Variants in COL2A1 observed in about 807,000 individuals in gnomAD.
The protein encoded by COL2A1 is collagen type II alpha 1 chain.
Under a neutral mutation model 204.5 loss-of-function variants are expected in COL2A1, and 28 were observed. The ratio of observed to expected loss-of-function variants is 0.14; its 90% CI spans 0.10 to 0.19. The LOEUF is 0.19. COL2A1 is among the 10% of genes least tolerant of loss of function. The probability of loss-of-function intolerance (pLI) is 1.00; values close to 1 mark genes in which losing one functional copy is unlikely to be tolerated. For synonymous variants in COL2A1, 708 were observed against 718.7 expected (o/e 0.99, Z 0.24); for missense variants, 1,388 against 2,027.5 (o/e 0.68, Z 6.06).
At chr12:47,999,280 C>G (rs1268691612) in intron 2 of COL2A1, among the ~76,000 whole-genome samples, 1 of 152,248 alleles carries the variant, frequency 6.6e-6, no homozygotes, top group African/African-American at 2.4e-5. Flanking sequence ...TAACCACCCA[C>G]TACAGTGCAG....
At position 47,974,664 on chromosome 12, in the gene COL2A1, C is replaced by T. The variant is rs750833827; in HGVS notation, c.4074+11G>A. On this transcript the variant is annotated intron_variant, in intron 52 of 53. Coordinates refer to ENST00000380518, the MANE Select transcript of COL2A1 (RefSeq NM_001844.5). ...ATCTCTGCTCATCATCTAGGGCACC[C>T]AGGTACTCACATGGAAGCCACCATT... 5 of 1,613,872 alleles carry T rather than the reference C, an allele frequency of 3.1e-6. No homozygotes were observed. Among genetic ancestry groups the T allele is most frequent in the Non-Finnish European group, 4.2e-6 (5 of 1,179,934 alleles).
At position 47,973,285 on chromosome 12, in the gene COL2A1, TG is replaced by T; in HGVS notation, c.*121del. ...GAGAAAAGTCCGAACTGTGAGAGGG[TG>T]GGATGAATGGACATCAGGTCAGGTC... On this transcript the variant is annotated 3_prime_UTR_variant, in exon 54 of 54. Coordinates refer to ENST00000380518, the MANE Select transcript of COL2A1 (RefSeq NM_001844.5). The T allele has an allele frequency of 7.8e-7, 1 of 1,285,480 alleles. No homozygotes were observed. The highest frequency in any genetic ancestry group is 1.1e-6 in the Non-Finnish European group (1 of 880,838). The allele number at this position is 1,285,480 out of a possible 1,614,324, so 79.6% of individuals were successfully genotyped here.
intron 23 of COL2A1, 57 bp downstream of exon 23, chr12:47,986,279 C>T: frequency 8.6e-7 from 1 of 1,164,838 alleles, no homozygotes. Flanking sequence ...CACAAGGACT[C>T]CACTTCCCTC....
At position 47,978,858 on chromosome 12, in the gene COL2A1, G is replaced by C. The variant is rs567071955; in HGVS notation, c.2734-100C>G. 2.3e-6 allele frequency: 3 copies of C among 1,284,266 alleles called. No individual in the cohort carries two copies. In the South Asian group the frequency reaches 3.8e-5, roughly 16 times the overall value. 79.6% of individuals were successfully genotyped at this position (1,284,266 alleles called of 1,614,324 possible). Reference sequence around the variant, plus strand: ...TCAGTGACAGCAGTTTCCTCTCTGGGGGCTTCTCTACCTCCCCACACTAAG... The same window carrying C: ...TCAGTGACAGCAGTTTCCTCTCTGGCGGCTTCTCTACCTCCCCACACTAAG... On this transcript the variant is annotated intron_variant, in intron 41 of 53. Coordinates refer to ENST00000380518, the MANE Select transcript of COL2A1 (RefSeq NM_001844.5). This position sits in a 1 kb window ranked among gnomAD's most constrained non-coding sequence, Gnocchi z 5.5.
At position 47,978,057 on chromosome 12, in the gene COL2A1, C is replaced by T. The variant is rs199642249; in HGVS notation, c.3064G>A (p.Val1022Met). The T allele has an allele frequency of 1.7e-5, 27 of 1,613,836 alleles. No homozygotes were observed. Among genetic ancestry groups the T allele is most frequent in the Admixed American group, 6.7e-5 (4 of 60,014 alleles). Residue 1022 changes from valine (V) to methionine (M), a missense_variant, in exon 44 of 54, where the codon GTG becomes ATG. Coordinates refer to ENST00000380518, the MANE Select transcript of COL2A1 (RefSeq NM_001844.5). The surrounding 1 kb of genome is among the most constrained non-coding windows in gnomAD (Gnocchi z 5.5). ...ASGDRGPPGP[V>M]GPPGLTGPAG... ...GGACCCGTCAGGCCAGGAGGACCCA[C>T]GGGGCCAGGAGGACCTCTGTCTCCA...
chr12:47,984,894 T>A (rs1471994859), intron 27 of COL2A1, 101 bp downstream of exon 27: 14 of 1,010,000 alleles, frequency 1.4e-5, no homozygotes, highest in African/African-American at 1.6e-5. Context: ...CTCATCACTG[T>A]CCCTGGTTAA....
rs781084068 is a variant in COL2A1, at chr12:47,986,456, A to G, written c.1420-13T>C. 148 of 1,508,072 alleles carry G rather than the reference A, an allele frequency of 9.8e-5. No homozygotes were observed. The South Asian group carries it at 1.3e-3, about 13-fold the overall frequency. The allele number at this position is 1,508,072 out of a possible 1,614,324, so 93.4% of individuals were successfully genotyped here. A position where few individuals can be genotyped will look rare whatever the true frequency, so the allele number is the denominator to read the frequency against. ...GGCCAGCAGGGCCCTGAGGACCAGC[A>G]AAAAAGAGAAACAGAGTGAGCCTTC... is the stretch of plus-strand genomic sequence containing the variant. On this transcript the variant is annotated splice_polypyrimidine_tract_variant and intron_variant, in intron 22 of 53. Transcript: ENST00000380518.
chr12:47,987,327 C>T lies in COL2A1; in HGVS notation c.1222-14G>A. On this transcript the variant is annotated splice_polypyrimidine_tract_variant and intron_variant, in intron 19 of 53. Transcript: ENST00000380518. The surrounding 1 kb of genome is among the most constrained non-coding windows in gnomAD (Gnocchi z 4.1). ...TCCAGGGTTACCCTGAAAAGGGAGA[C>T]ATTGTCAAATAAGCAGCAAAGAATG... 1.2e-6 allele frequency: 2 copies of T among 1,613,968 alleles called. No individual in the cohort carries two copies. The highest frequency in any genetic ancestry group is 2.2e-5 in the South Asian group (2 of 91,072).
At chr12:47,979,397 CA>C in intron 41 of COL2A1, 113 bp downstream of exon 41, 2 of 1,073,588 alleles carry the variant, frequency 1.9e-6, no homozygotes, top group Non-Finnish European at 2.9e-6. Context: ...CTCCAGGGGG[CA>C]GGAACGGACT....
intron 5 of COL2A1, 40 bp downstream of exon 5, chr12:47,997,992 G>A: frequency 6.2e-7 from 1 of 1,614,192 alleles, no homozygotes; most frequent in Non-Finnish European, 8.5e-7. Context: ...CTTGCGCGCA[G>A]CGAGGAAGGG....
rs913281305 is a variant in COL2A1, at chr12:48,004,476, C to T, written c.-155G>A. 60 of 551,076 alleles carry T rather than the reference C, an allele frequency of 1.1e-4. No homozygotes were observed. The highest frequency in any genetic ancestry group is 1.5e-4 in the Non-Finnish European group (46 of 312,062). 34.1% of individuals were successfully genotyped at this position (551,076 alleles called of 1,614,324 possible). On this transcript the variant is annotated 5_prime_UTR_variant, in exon 1 of 54. Coordinates refer to ENST00000380518, the MANE Select transcript of COL2A1 (RefSeq NM_001844.5). ...GACCCGGCAGCCCAGCAGCGCTCTG[C>T]GTCTTCTCCCCGCCGCGGCGCCCGT...
chr12:48,004,167 G>C lies in COL2A1; in HGVS notation c.85+70C>G, dbSNP rs546659256. 2.0e-4 allele frequency: 237 copies of C among 1,204,484 alleles called. 1 individual carries two copies. In the African/African-American group the frequency reaches 3.1e-3, roughly 16 times the overall value. 74.6% of individuals were successfully genotyped at this position (1,204,484 alleles called of 1,614,324 possible). A position where few individuals can be genotyped will look rare whatever the true frequency, so the allele number is the denominator to read the frequency against. On this transcript the variant is annotated intron_variant, in intron 1 of 53. Coordinates refer to ENST00000380518, the MANE Select transcript of COL2A1 (RefSeq NM_001844.5). ...GAGCCGCGGGCTCCAGAGCTGGAGC[G>C]GGCCGGGGAGAAGGATGCTGAGGGA...
rs188911912 is a variant in COL2A1 at position 47,978,828 on chromosome 12, T to C, written c.2734-70A>G. On this transcript the variant is annotated intron_variant, in intron 41 of 53. Transcript: ENST00000380518. The surrounding 1 kb of genome is among the most constrained non-coding windows in gnomAD (Gnocchi z 5.5). ...CTCATCCAGGCTGCCAAAGTCACTG[T>C]GGCCTCAGTGACAGCAGTTTCCTCT... The C allele has an allele frequency of 6.5e-7, 1 of 1,531,436 alleles. No individual in the cohort carries two copies. Among genetic ancestry groups the C allele is most frequent in the Non-Finnish European group, 9.0e-7 (1 of 1,109,098 alleles). 94.9% of individuals were successfully genotyped at this position (1,531,436 alleles called of 1,614,324 possible).
In COL2A1 at chr12:47,973,267, G is replaced by A; in HGVS notation, c.*140C>T. 1 of 1,111,820 alleles carries A rather than the reference G, an allele frequency of 9.0e-7. No homozygotes were observed. The highest frequency in any genetic ancestry group is 2.4e-5 in the East Asian group (1 of 42,530). 68.9% of individuals were successfully genotyped at this position (1,111,820 alleles called of 1,614,324 possible). ...TCTCTTAGAAAGAGAGGGGAGAAAA[G>A]TCCGAACTGTGAGAGGGTGGGATGA... On this transcript the variant is annotated 3_prime_UTR_variant, in exon 54 of 54. Coordinates refer to ENST00000380518, the MANE Select transcript of COL2A1 (RefSeq NM_001844.5).
chr12:47,992,974 C>T (rs368608693), intron 15 of COL2A1, 43 bp from the exon 16 acceptor site: 33 of 1,598,688 alleles, frequency 2.1e-5, no homozygotes, highest in East Asian at 2.2e-5. Context: ...GTTGGCTTTA[C>T]GGTGCTCAGG....
At chr12:48,003,974 C>G (rs181540190) in intron 1 of COL2A1, among the ~76,000 whole-genome samples, 244 of 152,330 alleles carry the variant, frequency 1.6e-3, no homozygotes, top group Middle Eastern at 6.8e-3. Flanking sequence ...CAACACTTTG[C>G]AAGTTCAGTA....
chr12:47,986,552 G>C (rs1447126955), intron 22 of COL2A1, 109 bp from the exon 23 acceptor site: 5 of 778,224 alleles, frequency 6.4e-6, no homozygotes, highest in Non-Finnish European at 1.1e-5. Context: ...CAGGGCTGGG[G>C]GGGGGCTTGA....
chr12:47,985,456 A>C lies in COL2A1; in HGVS notation c.1734+78T>G. ...ACAGTACTTCAGGCCTCCCTAACCCAAACTCCATCTCTCTTTTCCCTTGCT... is the reference window on the plus strand; with the variant it reads ...ACAGTACTTCAGGCCTCCCTAACCCCAACTCCATCTCTCTTTTCCCTTGCT... On this transcript the variant is annotated intron_variant, in intron 26 of 53. Transcript: ENST00000380518. 4.0e-6 allele frequency: 6 copies of C among 1,494,578 alleles called. No homozygotes were observed. In the South Asian group the frequency reaches 6.8e-5, roughly 17 times the overall value. 92.6% of individuals were successfully genotyped at this position (1,494,578 alleles called of 1,614,324 possible). A position where few individuals can be genotyped will look rare whatever the true frequency, so the allele number is the denominator to read the frequency against.
chr12:47,977,059 C>A, intron 47 of COL2A1, 43 bp downstream of exon 47: 1 of 1,586,450 alleles, frequency 6.3e-7, no homozygotes, highest in Non-Finnish European at 8.6e-7. Flanking sequence ...CCCTCCCAGC[C>A]TATCCCTGGT....
Sources: allele counts gnomAD v4.1 joint callset (sites outside exome capture counted in the v4.1 genomes callset), GRCh38; gene constraint gnomAD v4.1.1; non-coding constraint Gnocchi (gnomAD v3.1); transcripts MANE v1.5; gene names NCBI Gene and HGNC (gene_info 2026-07-23, HGNC 2026-07-21).